Variants in TRAPPC9 observed in about 807,000 individuals in gnomAD.
TRAPPC9 encodes IKK2 binding protein.
In TRAPPC9, 83 loss-of-function variants were observed where a neutral mutation model predicts 124.0. The ratio of observed to expected loss-of-function variants is 0.67; its 90% CI spans 0.56 to 0.80. TRAPPC9 has a LOEUF of 0.80. Ranked by LOEUF, TRAPPC9 falls within the 30% of genes least tolerant of loss-of-function variation. The pLI, the probability that TRAPPC9 is intolerant of heterozygous loss-of-function variation, is 0.00. For missense variants in TRAPPC9, 1,302 were observed against 1,508.3 expected (o/e 0.86, Z 2.27); for synonymous variants, 638 against 617.5 (o/e 1.03, Z -0.49).
At chr8:139,980,778 G>A (rs983271731) in intron 19 of TRAPPC9, among the ~76,000 whole-genome samples, 7 of 152,316 alleles carry the variant, frequency 4.6e-5, no homozygotes, top group African/African-American at 1.7e-4. Flanking sequence ...CCAGCAAGTG[G>A]ACAGCTGGGG....
chr8:139,899,606 T>G (rs903548565), intron 20 of TRAPPC9, among the ~76,000 whole-genome samples: 15 of 152,168 alleles, frequency 9.9e-5, no homozygotes, highest in African/African-American at 3.6e-4. Flanking sequence ...GGGTCAACTG[T>G]GCCCTGAGCT....
chr8:140,005,628 G>A (rs190213935), intron 18 of TRAPPC9, among the ~76,000 whole-genome samples: 35 of 152,220 alleles, frequency 2.3e-4, no homozygotes, highest in Middle Eastern at 6.8e-3. Flanking sequence ...GTGAGGAAAC[G>A]TGGGTTTTGG....
chr8:140,349,186 G>C (rs2067447689), intron 9 of TRAPPC9, among the ~76,000 whole-genome samples: 2 of 137,020 alleles, frequency 1.5e-5, no homozygotes, highest in South Asian at 2.5e-4. Flanking sequence ...GGACACACCA[G>C]GGGGCCGAAG....
chr8:139,906,547 T>TAGGGGAGGGGCAGGAGGG (rs964476746), intron 20 of TRAPPC9, among the ~76,000 whole-genome samples: 1 of 151,420 alleles, frequency 6.6e-6, no homozygotes, highest in African/African-American at 2.4e-5. Flanking sequence ...GGGAAGGGCA[T>TAGGGGAGGGGCAGGAGGG]AGGGGAGGGG....
rs3735804 is a variant in TRAPPC9 at position 140,371,004 on chromosome 8, G to A, written c.1311C>T (p.Pro437=). ...TGGGATCCAGCGACAGACTGTAGCC[G>A]GGCAGCGTTTCCAGGAGGAGTTTGT... ...ACYKLLLETL[P]GYSLSLDPKD... is the part of the protein sequence containing the mutation. The change falls in exon 8 of 23, where the codon CCC becomes CCT. Residue 437 remains proline, a synonymous_variant. Coordinates refer to ENST00000438773, the MANE Select transcript of TRAPPC9 (RefSeq NM_001160372.4). 3.0e-4 allele frequency: 484 copies of A among 1,614,236 alleles called. 2 individuals are homozygous for A. The East Asian group carries it at 7.9e-3, about 26-fold the overall frequency.
chr8:139,891,862 A>G (rs908472052), intron 20 of TRAPPC9, among the ~76,000 whole-genome samples: 2 of 152,186 alleles, frequency 1.3e-5, no homozygotes, highest in Non-Finnish European at 2.9e-5. Flanking sequence ...ATGGCATTAC[A>G]AGGTAGGCAT....
rs189711860 is a variant in TRAPPC9 at position 140,167,380 on chromosome 8, C to G, written c.2556+54079G>C. ...CTGAGATAGGAAGGGGAAAAAACAC[C>G]TCTGCACACACACCACACGCCAAAA... On this transcript the variant is annotated intron_variant, in intron 17 of 22. Transcript: ENST00000438773. Among the ~76,000 whole-genome samples, 603 of 152,146 alleles carry G rather than the reference C, an allele frequency of 4.0e-3. 11 individuals carry two copies. The highest frequency in any genetic ancestry group is 5.9e-4 in the Non-Finnish European group (40 of 68,000).
chr8:140,256,642 C>T (rs1446197481), intron 15 of TRAPPC9, among the ~76,000 whole-genome samples: 1 of 152,038 alleles, frequency 6.6e-6, no homozygotes. Context: ...CTGTAGGTGC[C>T]GACACATCTG....
At chr8:139,850,384 A>G (rs576341107) in intron 21 of TRAPPC9, among the ~76,000 whole-genome samples, 1 of 152,268 alleles carries the variant, frequency 6.6e-6, no homozygotes, top group African/African-American at 2.4e-5. Flanking sequence ...TTCTTTCCAG[A>G]TAGCCCAAAG....
At chr8:139,909,693 A>G (rs1332211129) in intron 20 of TRAPPC9, among the ~76,000 whole-genome samples, 1 of 152,254 alleles carries the variant, frequency 6.6e-6, no homozygotes, top group Non-Finnish European at 1.5e-5. Context: ...GTGTTATAGC[A>G]CAATCCTTCT....
At chr8:140,044,754 C>T (rs141334112) in intron 17 of TRAPPC9, among the ~76,000 whole-genome samples, 1,862 of 152,298 alleles carry the variant, frequency 0.012, 22 homozygotes, top group Non-Finnish European at 0.017. Flanking sequence ...AAATGGAAAC[C>T]TTATAGTCCC....
chr8:140,287,090 G>A (rs571980956), intron 13 of TRAPPC9, among the ~76,000 whole-genome samples: 5 of 152,300 alleles, frequency 3.3e-5, no homozygotes, highest in Admixed American at 6.5e-5. Context: ...AGCAGCCAGA[G>A]GAGAGGGCAT....
chr8:139,892,152 T>C (rs561070056), intron 20 of TRAPPC9, among the ~76,000 whole-genome samples: 1 of 152,362 alleles, frequency 6.6e-6, no homozygotes, highest in Admixed American at 6.5e-5. Flanking sequence ...GCAAGGCTGC[T>C]AAGAAGCTTC....
At chr8:140,009,146 ATCATGAAAAAAAAGGAAAG>A (rs1481383062) in intron 18 of TRAPPC9, among the ~76,000 whole-genome samples, 1 of 152,220 alleles carries the variant, frequency 6.6e-6, no homozygotes, top group Non-Finnish European at 1.5e-5. Context: ...AAATGTACTT[ATCATGAAAAAAAAGGAAAG>A]TCTTAAGTCC....
Position 139,807,335 on chromosome 8 carries a change from C to CAGAAG in TRAPPC9, c.3056-75138_3056-75134dup, listed in dbSNP as rs562384705. ...TCACATTCCTCATGACCCATGCGTT[C>CAGAAG]AGAAGAGCCTCTGAACTCCAAGGGG... On this transcript the variant is annotated intron_variant, in intron 21 of 22. Transcript: ENST00000438773. Among the ~76,000 whole-genome samples, 3 of 152,292 alleles carry CAGAAG rather than the reference C, an allele frequency of 2.0e-5. No individual in the cohort carries two copies. In the South Asian group the frequency reaches 6.2e-4, roughly 32 times the overall value.
intron 15 of TRAPPC9, among the ~76,000 whole-genome samples, chr8:140,263,072 C>T (rs1405386828): frequency 2.6e-5 from 4 of 152,294 alleles, no homozygotes; most frequent in East Asian, 1.9e-4. Flanking sequence ...GCACTCAGCC[C>T]GGTGTCCCCA....
At chr8:140,236,079 CTTTT>C (rs765201850) in intron 16 of TRAPPC9, among the ~76,000 whole-genome samples, 7 of 111,708 alleles carry the variant, frequency 6.3e-5, no homozygotes, top group South Asian at 6.4e-4. Flanking sequence ...ACTGTATTTC[CTTTT>C]TTTTTTTTTT....
chr8:140,451,479 G>A (rs2132708317), intron 1 of TRAPPC9, 96 bp from the exon 2 acceptor site: 1 of 1,045,766 alleles, frequency 9.6e-7, no homozygotes. Context: ...ACTACCCAGA[G>A]GCAGGGGAAG....
rs79520949 is a variant in TRAPPC9, at chr8:140,087,794, T to C, written c.2557-63715A>G. 0.071 allele frequency among the ~76,000 whole-genome samples: 10,796 copies of C among 152,024 alleles called. 514 individuals are homozygous for C. Among genetic ancestry groups the C allele is most frequent in the African/African-American group, 0.13 (5,189 of 41,456 alleles). On this transcript the variant is annotated intron_variant, in intron 17 of 22. Coordinates refer to ENST00000438773, the MANE Select transcript of TRAPPC9 (RefSeq NM_001160372.4). The surrounding 1 kb of genome is among the most constrained non-coding windows in gnomAD (Gnocchi z 4.6). ...TCCAACCAGCAGTCACAGTGACCATTCTCATGCATGACGAGCAACCGCACC... is the reference window on the plus strand; with the variant it reads ...TCCAACCAGCAGTCACAGTGACCATCCTCATGCATGACGAGCAACCGCACC...
Sources: gnomAD v4.1 joint callset for allele counts (sites outside exome capture counted in the v4.1 genomes callset) on GRCh38, gnomAD v4.1.1 for gene constraint, Gnocchi (gnomAD v3.1) non-coding constraint, MANE v1.5 for transcripts, NCBI Gene and HGNC (gene_info 2026-07-23, HGNC 2026-07-21) for gene names.